The following C1QTNF6 variants were observed in gnomAD, a reference collection of about 807,000 sequenced individuals.
C1QTNF6 encodes the protein complement C1q tumor necrosis factor-related protein 6.
Under a neutral mutation model 20.7 loss-of-function variants are expected in C1QTNF6, and 17 were observed. That is an observed-to-expected ratio of 0.82 (90% CI 0.56 to 1.23). The LOEUF (loss-of-function observed/expected upper bound fraction) is 1.23. Among genes scored for constraint, C1QTNF6 ranks in the 50% most tolerant of loss-of-function variants. The pLI, the probability that C1QTNF6 is intolerant of heterozygous loss-of-function variation, is 0.00. For missense variants in C1QTNF6, 329 were observed against 389.7 expected, an observed-to-expected ratio of 0.84 and a Z score of 1.31; for synonymous variants, 130 against 156.3, an observed-to-expected ratio of 0.83 and a Z score of 1.25.
chr22:37,182,569 C>T lies in C1QTNF6; in HGVS notation c.456G>A (p.Thr152=), dbSNP rs373652334. ...GGAAGTCCTCGCCGCTGTGCAGGGCCGTCTTGCGGCCCACTGAGAAGGCGA... is the reference window on the plus strand; with the variant it reads ...GGAAGTCCTCGCCGCTGTGCAGGGCTGTCTTGCGGCCCACTGAGAAGGCGA... ...RFFAFSVGRK[T]ALHSGEDFQT... is the part of the protein sequence containing the mutation. Residue 152 remains threonine, a synonymous_variant, in exon 3 of 3, where the codon ACG becomes ACA. Transcript: ENST00000337843. 24 of 1,614,026 alleles carry T rather than the reference C, an allele frequency of 1.5e-5. No homozygotes were observed. Among genetic ancestry groups the T allele is most frequent in the African/African-American group, 4.0e-5 (3 of 74,954 alleles).
At chr22:37,186,636 G>A (rs187881610) in intron 1 of C1QTNF6, among the ~76,000 whole-genome samples, 1 of 152,318 alleles carries the variant, frequency 6.6e-6, no homozygotes, top group East Asian at 1.9e-4. Flanking sequence ...GCTAGAGACA[G>A]TCCTGGGTTG....
At position 37,182,267 on chromosome 22, in the gene C1QTNF6, C is replaced by G; in HGVS notation, c.758G>C (p.Arg253Pro). ...RVWVRLFKRQ[R>P]ENAIYSNDFD... ...GTCGTTGCTGTAGATGGCGTTCTCG[C>G]GCTGGCGCTTGAAGAGCCGCACCCA... is the stretch of plus-strand genomic sequence containing the variant. The change falls in exon 3 of 3, where the codon CGC (arginine) becomes CCC (proline). Residue 253 changes from arginine (R) to proline (P), a missense_variant. Coordinates refer to ENST00000337843, the MANE Select transcript of C1QTNF6 (RefSeq NM_031910.4). The G allele has an allele frequency of 1.9e-6, 3 of 1,614,206 alleles. No individual in the cohort carries two copies. The highest frequency in any genetic ancestry group is 1.7e-6 in the Non-Finnish European group (2 of 1,180,038).
At chr22:37,198,928 G>A (rs114772733), upstream of C1QTNF6, among the ~76,000 whole-genome samples, 3,965 of 152,306 alleles carry the variant, frequency 0.026, 147 homozygotes, top group African/African-American at 0.09. Context: ...CAGGTTCCCC[G>A]TCCTGGGCTT....
chr22:37,182,707 G>T lies in C1QTNF6; in HGVS notation c.318C>A (p.Gly106=), dbSNP rs1174370931. 6.2e-7 allele frequency: 1 copy of T among 1,611,168 alleles called. No individual in the cohort carries two copies. Among genetic ancestry groups the T allele is most frequent in the African/African-American group, 1.3e-5 (1 of 74,978 alleles). Residue 106 remains glycine (G), a synonymous_variant, in exon 3 of 3, where the codon GGC becomes GGA. Coordinates refer to ENST00000337843, the MANE Select transcript of C1QTNF6 (RefSeq NM_031910.4). ...CCTCCCTGCCCATGTACCCTGGCAG[G>T]CCCATTGGGCCTGGGTCCCCTTTGT... ...KGDKGDPGPM[G]LPGYMGREGP...
intron 2 of C1QTNF6, 72 bp downstream of exon 2, chr22:37,185,146 G>C: frequency 6.7e-7 from 1 of 1,488,174 alleles, no homozygotes; most frequent in Non-Finnish European, 8.9e-7. Flanking sequence ...TTTCCGCCCT[G>C]CCCTCTACTC....
At chr22:37,192,051 A>G (rs901010617), upstream of C1QTNF6, among the ~76,000 whole-genome samples, 6 of 152,162 alleles carry the variant, frequency 3.9e-5, no homozygotes, top group South Asian at 4.1e-4. Flanking sequence ...ATTTAAGCCA[A>G]TAAGTTCACA....
In C1QTNF6 at chr22:37,185,320, C is replaced by T; in HGVS notation, c.187G>A (p.Glu63Lys). Residue 63 changes from glutamate (E) to lysine (K), a missense_variant, in exon 2 of 3, where the codon GAG becomes AAG. Transcript: ENST00000337843. ...ASGCQRCCDS[E>K]DPLDPAHVSS... The stretch of plus-strand genomic sequence containing the variant: ...ACATGGGCAGGATCCAGGGGGTCCT[C>T]AGAGTCACAGCACCGTTGGCAGCCG... 1 of 1,613,534 alleles carries T rather than the reference C, an allele frequency of 6.2e-7. No individual in the cohort carries two copies. Among genetic ancestry groups the T allele is most frequent in the Non-Finnish European group, 8.5e-7 (1 of 1,179,836 alleles).
Position 37,182,654 on chromosome 22 carries a change from C to T in C1QTNF6, c.371G>A (p.Gly124Asp). ...CATCTCCCCCTTGTCACCCTTGCTG[C>T]CCTGAGGGCCAGGCTCCCCTTGGGG... ...EGPQGEPGPQ[G>D]SKGDKGEMGS... Residue 124 changes from glycine to aspartate, a missense_variant, in exon 3 of 3, where the codon GGC becomes GAC. By Grantham distance (94) the Gly-to-Asp change is moderately conservative (BLOSUM62 -1). Transcript: ENST00000337843. 6.2e-7 allele frequency: 1 copy of T among 1,613,254 alleles called. No individual in the cohort carries two copies. The highest frequency in any genetic ancestry group is 8.5e-7 in the Non-Finnish European group (1 of 1,180,016).
Position 37,184,394 on chromosome 22 carries a change from C to T in C1QTNF6, c.289+824G>A, listed in dbSNP as rs73884861. On this transcript the variant is annotated intron_variant, in intron 2 of 2. Coordinates refer to ENST00000337843, the MANE Select transcript of C1QTNF6 (RefSeq NM_031910.4). The surrounding 1 kb of genome is among the most constrained non-coding windows in gnomAD (Gnocchi z 4.0). ...AAGGATGTCAAGGCCTGGTCACAGC[C>T]GTCAGCCACCACAGCCTGGAAGGGA... 7.1e-4 allele frequency: 508 copies of T among 717,298 alleles called. 1 individual carries two copies. The African/African-American group carries it at 7.5e-3, about 11-fold the overall frequency. The allele number at this position is 717,298 out of a possible 1,614,324, so 44.4% of individuals were successfully genotyped here.
intron 1 of C1QTNF6, chr22:37,197,157 G>A (rs1359070890): frequency 6.6e-6 from 1 of 152,340 alleles, no homozygotes; most frequent in Admixed American, 6.5e-5. Flanking sequence ...GGGTGCAAGG[G>A]GGCCCAAAGG....
At chr22:37,185,720 A>C in intron 1 of C1QTNF6, 2 of 1,129,380 alleles carry the variant, frequency 1.8e-6, no homozygotes, top group Non-Finnish European at 2.2e-6. Flanking sequence ...TGCTCCACAC[A>C]GGCCTTGGAA....
At chr22:37,188,901 A>G (rs1924620677), upstream of C1QTNF6, among the ~76,000 whole-genome samples, 2 of 152,226 alleles carry the variant, frequency 1.3e-5, no homozygotes. Context: ...CACCAGAAAG[A>G]ATTTGGGGTA....
chr22:37,185,895 C>G, intron 1 of C1QTNF6: 1 of 987,076 alleles, frequency 1.0e-6, no homozygotes, highest in Non-Finnish European at 1.2e-6. Context: ...TTCTTGCCAC[C>G]GACTCCACTA....
upstream of C1QTNF6, chr22:37,199,356 G>C (rs1226734099): frequency 2.6e-5 from 4 of 152,474 alleles, no homozygotes; most frequent in South Asian, 4.1e-4. Context: ...CGAGGGACGA[G>C]GACCTGCCTC....
chr22:37,183,377 T>C (rs1923974160), intron 2 of C1QTNF6, among the ~76,000 whole-genome samples: 2 of 152,230 alleles, frequency 1.3e-5, no homozygotes, highest in Admixed American at 1.3e-4. Context: ...TTGCAAACTC[T>C]GCAACTAAGA....
Position 37,184,390 on chromosome 22 carries a change from C to CA in C1QTNF6, c.289+827dup. On this transcript the variant is annotated intron_variant, in intron 2 of 2. Coordinates refer to ENST00000337843, the MANE Select transcript of C1QTNF6 (RefSeq NM_031910.4). This position sits in a 1 kb window ranked among gnomAD's most constrained non-coding sequence, Gnocchi z 4.0. ...CGCTAAGGATGTCAAGGCCTGGTCA[C>CA]AGCCGTCAGCCACCACAGCCTGGAA... The CA allele has an allele frequency of 1.4e-6, 1 of 717,320 alleles. No individual in the cohort carries two copies. Among genetic ancestry groups the CA allele is most frequent in the Non-Finnish European group, 2.6e-6 (1 of 385,028 alleles). 44.4% of individuals were successfully genotyped at this position (717,320 alleles called of 1,614,324 possible).
In C1QTNF6 at chr22:37,184,836, T is replaced by G. The variant is rs892560936; in HGVS notation, c.289+382A>C. The stretch of plus-strand genomic sequence containing the variant: ...TGCCAGGAGGCTCCTCCACCACCTC[T>G]TAGAAGCCTGTGCTCCATGGGTCCT... On this transcript the variant is annotated intron_variant, in intron 2 of 2. Coordinates refer to ENST00000337843, the MANE Select transcript of C1QTNF6 (RefSeq NM_031910.4). This position sits in a 1 kb window ranked among gnomAD's most constrained non-coding sequence, Gnocchi z 4.0. 6.6e-6 allele frequency among the ~76,000 whole-genome samples: 1 copy of G among 152,102 alleles called. No individual in the cohort carries two copies. The highest frequency in any genetic ancestry group is 2.4e-5 in the African/African-American group (1 of 41,404).
At chr22:37,196,101 C>G (rs1925117647) in intron 1 of C1QTNF6, 1 of 152,266 alleles carries the variant, frequency 6.6e-6, no homozygotes, top group Non-Finnish European at 1.5e-5. Context: ...GTTCTAACAC[C>G]TCTGACACAG....
At chr22:37,191,139 G>A (rs1924796688), upstream of C1QTNF6, among the ~76,000 whole-genome samples, 1 of 152,100 alleles carries the variant, frequency 6.6e-6, no homozygotes, top group African/African-American at 2.4e-5. Flanking sequence ...ACCACCTTTT[G>A]AAGAGAATAA....
Sources: gnomAD v4.1 joint callset for allele counts (sites outside exome capture counted in the v4.1 genomes callset) on GRCh38, gnomAD v4.1.1 for gene constraint, Gnocchi (gnomAD v3.1) non-coding constraint, MANE v1.5 for transcripts, NCBI Gene and HGNC (gene_info 2026-07-23, HGNC 2026-07-21) for gene names.